The following STK32B variants were observed in gnomAD, a reference collection of about 807,000 sequenced individuals.
STK32B encodes serine/threonine-protein kinase 32B.
A neutral mutation model predicts 52.6 loss-of-function variants in STK32B; 43 were observed. The observed-to-expected ratio is 0.82, with a 90% CI of 0.64 to 1.05. STK32B has a LOEUF of 1.05. STK32B is among the 50% of genes least tolerant of loss of function. The pLI is 0.00. For missense variants in STK32B, 621 were observed against 534.6 expected (o/e 1.16, Z -1.59); for synonymous variants, 238 against 204.3 (o/e 1.17, Z -1.41).
intron 4 of STK32B, among the ~76,000 whole-genome samples, chr4:5,368,077 G>T (rs1268595584): frequency 6.6e-6 from 1 of 152,110 alleles, no homozygotes; most frequent in East Asian, 1.9e-4. Context: ...CATCTCTAAT[G>T]TGTAAGTCAA....
At chr4:5,288,551 T>C (rs562534973) in intron 3 of STK32B, among the ~76,000 whole-genome samples, 1 of 152,316 alleles carries the variant, frequency 6.6e-6, no homozygotes, top group South Asian at 2.1e-4. Flanking sequence ...GAAAAATGTC[T>C]TTTGAAATTG....
intron 1 of STK32B, among the ~76,000 whole-genome samples, chr4:5,134,302 A>G (rs558791391): frequency 1.3e-5 from 2 of 152,352 alleles, no homozygotes; most frequent in South Asian, 2.1e-4. Flanking sequence ...TGATTAGGCC[A>G]TGAAATCTCT....
At chr4:5,425,389 A>G (rs1713005960) in intron 6 of STK32B, among the ~76,000 whole-genome samples, 1 of 152,216 alleles carries the variant, frequency 6.6e-6, no homozygotes, top group Non-Finnish European at 1.5e-5. Context: ...CTTCCCAGAG[A>G]AAGTGGCAAA....
intron 6 of STK32B, among the ~76,000 whole-genome samples, chr4:5,418,526 TC>T (rs1712351408): frequency 6.6e-6 from 1 of 152,254 alleles, no homozygotes; most frequent in African/African-American, 2.4e-5. Flanking sequence ...TTAATGTTTT[TC>T]TTTTATTTTC....
chr4:5,186,731 C>T (rs747144082), intron 3 of STK32B, among the ~76,000 whole-genome samples: 18 of 152,202 alleles, frequency 1.2e-4, no homozygotes, highest in Non-Finnish European at 2.4e-4. Context: ...TCGACATACC[C>T]ATCCCCATGG....
At chr4:5,164,283 C>T (rs527309734) in intron 2 of STK32B, among the ~76,000 whole-genome samples, 7 of 152,278 alleles carry the variant, frequency 4.6e-5, no homozygotes, top group South Asian at 2.1e-4. Context: ...TGGCCAGCCT[C>T]GGCATTCCTT....
At chr4:5,244,906 C>G (rs1294655381) in intron 3 of STK32B, among the ~76,000 whole-genome samples, 2 of 152,144 alleles carry the variant, frequency 1.3e-5, no homozygotes, top group South Asian at 2.1e-4. Context: ...TTTCTGAATC[C>G]TGAGTTCTAG....
chr4:5,445,665 A>G (rs1715336051), intron 6 of STK32B, among the ~76,000 whole-genome samples: 2 of 152,136 alleles, frequency 1.3e-5, no homozygotes, highest in Admixed American at 6.5e-5. Flanking sequence ...TTGAGGTGAA[A>G]TTCACATAAG....
intron 4 of STK32B, among the ~76,000 whole-genome samples, chr4:5,367,724 G>A (rs1377691373): frequency 1.3e-5 from 2 of 152,156 alleles, no homozygotes; most frequent in African/African-American, 4.8e-5. Flanking sequence ...AAATAAAATA[G>A]TCTTTATTTT....
intron 3 of STK32B, among the ~76,000 whole-genome samples, chr4:5,266,447 A>G (rs1024470031): frequency 3.3e-5 from 5 of 152,194 alleles, no homozygotes; most frequent in African/African-American, 1.2e-4. Flanking sequence ...ATCTTAATTA[A>G]TGATCTGGGA....
chr4:5,315,269 A>C (rs1450961675), intron 3 of STK32B, among the ~76,000 whole-genome samples: 1 of 144,424 alleles, frequency 6.9e-6, no homozygotes, highest in Non-Finnish European at 1.5e-5. Context: ...AGGGAAATGC[A>C]AATGAGATGT....
chr4:5,103,920 G>A (rs1447488038), intron 1 of STK32B, among the ~76,000 whole-genome samples: 1 of 152,078 alleles, frequency 6.6e-6, no homozygotes, highest in African/African-American at 2.4e-5. Flanking sequence ...ACCTTAAATG[G>A]CAAAGGATAT....
At chr4:5,176,510 C>A (rs1477557423) in intron 3 of STK32B, among the ~76,000 whole-genome samples, 2 of 141,326 alleles carry the variant, frequency 1.4e-5, no homozygotes, top group East Asian at 2.1e-4. Flanking sequence ...ATGGTGCAAT[C>A]TCGGCTCATT....
chr4:5,415,522 G>T (rs1223598418), intron 5 of STK32B, among the ~76,000 whole-genome samples: 1 of 152,214 alleles, frequency 6.6e-6, no homozygotes, highest in Non-Finnish European at 1.5e-5. Flanking sequence ...GCCTGAGGAA[G>T]CCCCAGAGGC....
intron 1 of STK32B, among the ~76,000 whole-genome samples, chr4:5,120,410 G>A (rs957485609): frequency 6.6e-6 from 1 of 152,156 alleles, no homozygotes. Flanking sequence ...TTGAAAGAGG[G>A]AGAAAGCATT....
intron 4 of STK32B, among the ~76,000 whole-genome samples, chr4:5,341,765 T>C (rs73093812): frequency 0.051 from 7,825 of 152,230 alleles, 266 homozygotes; most frequent in African/African-American, 0.085. Flanking sequence ...TCAGGAAACC[T>C]GCAGTCATGG....
At chr4:5,345,857 G>C (rs1733422479) in intron 4 of STK32B, among the ~76,000 whole-genome samples, 1 of 152,226 alleles carries the variant, frequency 6.6e-6, no homozygotes, top group Non-Finnish European at 1.5e-5. Flanking sequence ...TTTTGCTTTT[G>C]CTTGTGTATG....
intron 4 of STK32B, among the ~76,000 whole-genome samples, chr4:5,372,731 GC>G (rs1735335869): frequency 1.4e-5 from 2 of 147,842 alleles, no homozygotes; most frequent in African/African-American, 2.5e-5. Context: ...GGGGGGGGGG[GC>G]GGTTATTTCA....
chr4:5,464,809 TATGA>T (rs1299371539), intron 9 of STK32B, among the ~76,000 whole-genome samples: 2 of 152,168 alleles, frequency 1.3e-5, no homozygotes, highest in Admixed American at 6.5e-5. Flanking sequence ...CCTGCATTTT[TATGA>T]ATGAATGAAT....
Sources: gnomAD v4.1 joint callset for allele counts (sites outside exome capture counted in the v4.1 genomes callset) on GRCh38, gnomAD v4.1.1 for gene constraint, MANE v1.5 for transcripts, NCBI Gene and HGNC (gene_info 2026-07-23, HGNC 2026-07-21) for gene names.